The following SGCD variants were observed in gnomAD, a reference collection of about 807,000 sequenced individuals.
SGCD encodes the protein delta-sarcoglycan.
SGCD carries 18 observed loss-of-function variants against 36.6 expected under a neutral mutation model. The ratio of observed to expected loss-of-function variants is 0.49; its 90% CI spans 0.34 to 0.73. The LOEUF (loss-of-function observed/expected upper bound fraction) is 0.73. SGCD is among the 30% of genes least tolerant of loss of function. The pLI is 0.01. For synonymous variants in SGCD, 133 were observed against 130.6 expected, an observed-to-expected ratio of 1.02 and a Z score of -0.12; for missense variants, 387 against 346.7, an observed-to-expected ratio of 1.12 and a Z score of -0.92.
intron 3 of SGCD, among the ~76,000 whole-genome samples, chr5:156,135,111 T>C (rs1762424487): frequency 6.6e-6 from 1 of 152,188 alleles, no homozygotes; most frequent in Non-Finnish European, 1.5e-5. Context: ...TCAATAGATA[T>C]GGATGGGTGG....
chr5:156,013,152 G>C (rs1309912842), intron 1 of SGCD, among the ~76,000 whole-genome samples: 3 of 151,436 alleles, frequency 2.0e-5, no homozygotes, highest in African/African-American at 7.3e-5. Context: ...CAGCCTCCTA[G>C]TGGCTGGGAC....
chr5:156,132,569 T>C (rs1401098611), intron 3 of SGCD, among the ~76,000 whole-genome samples: 3 of 146,428 alleles, frequency 2.0e-5, no homozygotes, highest in Non-Finnish European at 3.0e-5. Context: ...CTTGGGTTCA[T>C]GCCATTCTTC....
chr5:155,850,536 G>C, the SGCD span, among the ~76,000 whole-genome samples: 1 of 152,154 alleles, frequency 6.6e-6, no homozygotes, highest in Admixed American at 6.6e-5. Flanking sequence ...ATGATCAAAA[G>C]TGACATTGTG....
intron 3 of SGCD, among the ~76,000 whole-genome samples, chr5:156,307,705 G>A: frequency 6.6e-6 from 1 of 151,092 alleles, no homozygotes; most frequent in South Asian, 2.1e-4. Context: ...GTTACCATGG[G>A]AATTACATTT....
intron 1 of SGCD, among the ~76,000 whole-genome samples, chr5:156,056,659 A>AAAAAAAAAAAAAAACAAAAAAC (rs1330447322): frequency 1.1e-4 from 15 of 141,882 alleles, no homozygotes; most frequent in African/African-American, 3.6e-4. Flanking sequence ...AAAAAAAAAA[A>AAAAAAAAAAAAAAACAAAAAAC]AAAAAACAGT....
intron 3 of SGCD, among the ~76,000 whole-genome samples, chr5:156,475,642 A>G (rs958711268): frequency 6.6e-6 from 1 of 152,162 alleles, no homozygotes; most frequent in African/African-American, 2.4e-5. Flanking sequence ...CTTCCAGCCA[A>G]TACTTCTAGC....
intron 3 of SGCD, among the ~76,000 whole-genome samples, chr5:156,175,529 C>T (rs1044799815): frequency 6.6e-6 from 1 of 152,140 alleles, no homozygotes; most frequent in African/African-American, 2.4e-5. Flanking sequence ...CCATTCTTTA[C>T]TTAGCCTCTT....
intron 4 of SGCD, among the ~76,000 whole-genome samples, chr5:156,582,710 C>A (rs10077734): frequency 0.17 from 25,214 of 152,174 alleles, 2,276 homozygotes; most frequent in African/African-American, 0.21. Flanking sequence ...TTTATGTCTC[C>A]TTCTGATTTC....
At chr5:156,141,812 C>T (rs779829386) in intron 3 of SGCD, among the ~76,000 whole-genome samples, 96 of 152,298 alleles carry the variant, frequency 6.3e-4, no homozygotes, top group Middle Eastern at 6.8e-3. Context: ...GAGCTTAAGA[C>T]ATTCTGTAAC....
At chr5:156,169,874 G>A (rs1456926364) in intron 3 of SGCD, among the ~76,000 whole-genome samples, 1 of 152,086 alleles carries the variant, frequency 6.6e-6, no homozygotes, top group African/African-American at 2.4e-5. Flanking sequence ...ATGGGGGGTG[G>A]CATTCACACC....
chr5:156,016,871 T>C (rs1421947564), intron 1 of SGCD, among the ~76,000 whole-genome samples: 1 of 152,194 alleles, frequency 6.6e-6, no homozygotes, highest in Non-Finnish European at 1.5e-5. Flanking sequence ...ACCTTGTGCA[T>C]ATACATTTTT....
intron 3 of SGCD, among the ~76,000 whole-genome samples, chr5:156,274,176 A>G (rs954866069): frequency 1.2e-4 from 19 of 152,186 alleles, no homozygotes; most frequent in African/African-American, 4.6e-4. Context: ...ACAATAAGGT[A>G]CTTGCTTCAA....
chr5:155,777,881 A>G, the SGCD span, among the ~76,000 whole-genome samples: 2 of 152,164 alleles, frequency 1.3e-5, no homozygotes. Flanking sequence ...TCCTTGCTGA[A>G]TTCACAACAC....
At chr5:155,843,767 G>A in the SGCD span, among the ~76,000 whole-genome samples, 537 of 152,294 alleles carry the variant, frequency 3.5e-3, 5 homozygotes, top group African/African-American at 0.012. Context: ...GCTACAGCTA[G>A]GACATGATGA....
chr5:156,238,306 A>G (rs1765217739), intron 3 of SGCD, among the ~76,000 whole-genome samples: 1 of 152,182 alleles, frequency 6.6e-6, no homozygotes, highest in Admixed American at 6.5e-5. Flanking sequence ...TTTTTATTCA[A>G]TAAAGTAATA....
the SGCD span, among the ~76,000 whole-genome samples, chr5:155,833,840 C>A: frequency 1.3e-5 from 2 of 152,034 alleles, no homozygotes; most frequent in East Asian, 3.9e-4. Context: ...AATTTTAGAT[C>A]AGGTCAACCT....
the SGCD span, among the ~76,000 whole-genome samples, chr5:155,817,653 G>C: frequency 6.6e-6 from 1 of 152,082 alleles, no homozygotes; most frequent in African/African-American, 2.4e-5. Context: ...AAGGGCATGA[G>C]ATTTATGTAG....
chr5:156,360,245 A>ATT (rs34088944), intron 3 of SGCD, among the ~76,000 whole-genome samples: 45 of 138,148 alleles, frequency 3.3e-4, no homozygotes, highest in Admixed American at 1.4e-4. Context: ...CCCTTTCCTA[A>ATT]TTTTTTTTTT....
intron 1 of SGCD, among the ~76,000 whole-genome samples, chr5:155,881,493 C>T (rs913029111): frequency 3.9e-5 from 6 of 152,174 alleles, no homozygotes; most frequent in Non-Finnish European, 7.4e-5. Flanking sequence ...TACCAATCAT[C>T]GCTGAGCCTT....
Sources: allele counts gnomAD v4.1 joint callset (sites outside exome capture counted in the v4.1 genomes callset), GRCh38; gene constraint gnomAD v4.1.1; transcripts MANE v1.5; gene names NCBI Gene and HGNC (gene_info 2026-07-23, HGNC 2026-07-21).